FYN: variants seen among roughly 807,000 people sequenced by gnomAD.
The protein encoded by FYN is FYN proto-oncogene, Src family tyrosine kinase, also known as tyrosine-protein kinase Fyn.
FYN carries 10 observed loss-of-function variants against 70.2 expected under a neutral mutation model. The observed-to-expected ratio is 0.14, with a 90% CI of 0.09 to 0.24. The LOEUF (loss-of-function observed/expected upper bound fraction) is 0.24. Ranked by LOEUF, FYN falls within the 10% of genes least tolerant of loss-of-function variation. The pLI, the probability that FYN is intolerant of heterozygous loss-of-function variation, is 1.00. For synonymous variants in FYN, 236 were observed against 248.6 expected (o/e 0.95, Z 0.48); for missense variants, 319 against 673.1 (o/e 0.47, Z 5.82).
intron 3 of FYN, among the ~76,000 whole-genome samples, chr6:111,765,648 T>C (rs1474911953): frequency 6.6e-6 from 1 of 152,194 alleles, no homozygotes; most frequent in East Asian, 1.9e-4. Context: ...ACTTCAGTTA[T>C]TTTTAAGCAC....
chr6:111,780,259 CTT>C (rs1361464934), intron 3 of FYN, among the ~76,000 whole-genome samples: 3 of 152,160 alleles, frequency 2.0e-5, no homozygotes, highest in Non-Finnish European at 4.4e-5. Context: ...GTTTATTACT[CTT>C]ATATTATATG....
intron 4 of FYN, 95 bp downstream of exon 4, chr6:111,719,710 A>G: frequency 7.3e-7 from 1 of 1,373,166 alleles, no homozygotes; most frequent in East Asian, 2.3e-5. Flanking sequence ...TGAAACCCCT[A>G]GTCAAAGGGA....
chr6:111,751,121 T>C (rs1044590678), intron 3 of FYN, among the ~76,000 whole-genome samples: 7 of 152,252 alleles, frequency 4.6e-5, no homozygotes, highest in Non-Finnish European at 1.0e-4. Context: ...CTTTATTCTT[T>C]TCTTGCTCAA....
intron 2 of FYN, among the ~76,000 whole-genome samples, chr6:111,827,078 A>G: frequency 6.6e-6 from 1 of 152,198 alleles, no homozygotes; most frequent in Non-Finnish European, 1.5e-5. Context: ...AGACAGGGCA[A>G]GAGTCGGCCA....
chr6:111,771,734 C>T (rs1415891172), intron 3 of FYN, among the ~76,000 whole-genome samples: 2 of 152,336 alleles, frequency 1.3e-5, no homozygotes, highest in East Asian at 3.9e-4. Flanking sequence ...TTAGTCACCG[C>T]CATTGAAAAG....
chr6:111,741,347 ACACT>A (rs1801954262), intron 3 of FYN, among the ~76,000 whole-genome samples: 2 of 152,204 alleles, frequency 1.3e-5, no homozygotes, highest in African/African-American at 4.8e-5. Context: ...CACAGAGCAG[ACACT>A]CAGTGGATGC....
At chr6:111,673,047 G>C (rs776499503) in intron 13 of FYN, among the ~76,000 whole-genome samples, 1 of 152,122 alleles carries the variant, frequency 6.6e-6, no homozygotes, top group East Asian at 1.9e-4. Flanking sequence ...CTCCCCAGTT[G>C]CATTTAACAC....
chr6:111,678,105 A>G (rs1320777757), intron 12 of FYN, among the ~76,000 whole-genome samples: 1 of 59,532 alleles, frequency 1.7e-5, no homozygotes, highest in Non-Finnish European at 3.3e-5. Flanking sequence ...CGAAGGCCAT[A>G]ATATGTGTGT....
intron 2 of FYN, among the ~76,000 whole-genome samples, chr6:111,821,209 C>T (rs548588979): frequency 7.3e-5 from 11 of 151,510 alleles, no homozygotes; most frequent in African/African-American, 2.7e-4. Flanking sequence ...AAGCTGGAGG[C>T]ATCACACTAC....
intron 1 of FYN, among the ~76,000 whole-genome samples, chr6:111,854,402 C>A (rs1433320241): frequency 6.6e-6 from 1 of 152,200 alleles, no homozygotes; most frequent in African/African-American, 2.4e-5. Context: ...TAACTCCTTC[C>A]GGTCTTGATT....
At chr6:111,720,322 G>A (rs984804527) in intron 3 of FYN, among the ~76,000 whole-genome samples, 4 of 152,090 alleles carry the variant, frequency 2.6e-5, no homozygotes, top group East Asian at 1.9e-4. Flanking sequence ...AACTTTCCTC[G>A]AATAAGGCCT....
chr6:111,708,794 T>C (rs1335210953), intron 5 of FYN, among the ~76,000 whole-genome samples: 2 of 152,174 alleles, frequency 1.3e-5, no homozygotes, highest in African/African-American at 2.4e-5. Flanking sequence ...CACTTTGTAC[T>C]GCCTTAGGCT....
chr6:111,685,086 G>A (rs1270480568), intron 12 of FYN, among the ~76,000 whole-genome samples: 2 of 152,258 alleles, frequency 1.3e-5, no homozygotes, highest in African/African-American at 4.8e-5. Flanking sequence ...TAAACGCTAT[G>A]TTTGCGGACT....
intron 2 of FYN, among the ~76,000 whole-genome samples, chr6:111,802,535 T>A (rs1772021932): frequency 1.3e-5 from 2 of 151,970 alleles, no homozygotes; most frequent in Non-Finnish European, 2.9e-5. Context: ...TGGGTTCAAG[T>A]GATTCTCCTG....
At chr6:111,834,519 C>T (rs13340456) in intron 2 of FYN, among the ~76,000 whole-genome samples, 23,279 of 152,036 alleles carry the variant, frequency 0.15, 3,175 homozygotes, top group African/African-American at 0.37. Context: ...GAAGACTCAA[C>T]ATTGATGACC....
chr6:111,798,047 A>G (rs922898893), intron 2 of FYN, among the ~76,000 whole-genome samples: 1 of 152,068 alleles, frequency 6.6e-6, no homozygotes, highest in Non-Finnish European at 1.5e-5. Context: ...ACAGGTGTTG[A>G]GTCACCGTGC....
chr6:111,720,107 A>T, intron 3 of FYN, 45 bp from the exon 4 acceptor site: 2 of 1,545,518 alleles, frequency 1.3e-6, no homozygotes, highest in Non-Finnish European at 8.8e-7. Context: ...GATGCTCCCT[A>T]GTTGCTGGGT....
intron 4 of FYN, among the ~76,000 whole-genome samples, chr6:111,716,587 G>A (rs1800652804): frequency 6.6e-6 from 1 of 151,826 alleles, no homozygotes; most frequent in South Asian, 2.1e-4. Flanking sequence ...GAAATCTGTT[G>A]CCAGAAATGT....
At chr6:111,678,328 G>A (rs371079482) in intron 12 of FYN, among the ~76,000 whole-genome samples, 5 of 152,168 alleles carry the variant, frequency 3.3e-5, no homozygotes, top group African/African-American at 9.6e-5. Flanking sequence ...GAGGATCTTT[G>A]TGCCTTAGTC....
Sources: allele counts gnomAD v4.1 joint callset (sites outside exome capture counted in the v4.1 genomes callset), GRCh38; gene constraint gnomAD v4.1.1; transcripts MANE v1.5; gene names NCBI Gene and HGNC (gene_info 2026-07-23, HGNC 2026-07-21).